Variants in BICDL1 observed in about 807,000 individuals in gnomAD.
BICDL1 encodes BICD family like cargo adaptor 1, also known as BICD family-like cargo adapter 1.
BICDL1 carries 20 observed loss-of-function variants against 76.8 expected under a neutral mutation model. That is an observed-to-expected ratio of 0.26 (90% confidence interval 0.18 to 0.38). The LOEUF is 0.38. Ranked by LOEUF, BICDL1 falls within the 10% of genes least tolerant of loss-of-function variation. The pLI, the probability that BICDL1 is intolerant of heterozygous loss-of-function variation, is 1.00. For missense variants in BICDL1, 700 were observed against 798.6 expected (o/e 0.88, Z 1.49); for synonymous variants, 383 against 337.1 (o/e 1.14, Z -1.49).
At position 120,092,621 on chromosome 12, in the gene BICDL1, C is replaced by T. The variant is rs114371210; in HGVS notation, c.1705-379C>T. 614 of 985,410 alleles carry T rather than the reference C, an allele frequency of 6.2e-4. No homozygotes were observed. The African/African-American group carries it at 0.01, about 16-fold the overall frequency. 61.0% of individuals were successfully genotyped at this position (985,410 alleles called of 1,614,324 possible). A position where few individuals can be genotyped will look rare whatever the true frequency, so the allele number is the denominator to read the frequency against. On this transcript the variant is annotated intron_variant, in intron 9 of 9. Coordinates refer to ENST00000548673, the MANE Select transcript of BICDL1 (RefSeq NM_001367886.1). ...CGGGGCTGGGGGTGGCAAGCCAAACCGGAGGCACCAGCCAGGCCCACAGGA... is the reference window on the plus strand; with the variant it reads ...CGGGGCTGGGGGTGGCAAGCCAAACTGGAGGCACCAGCCAGGCCCACAGGA...
In BICDL1 at chr12:120,034,022, G is replaced by A. The variant is rs78268618; in HGVS notation, c.646-27688G>A. Among the ~76,000 whole-genome samples, 1,292 of 152,206 alleles carry A rather than the reference G, an allele frequency of 8.5e-3. 17 individuals carry two copies. The highest frequency in any genetic ancestry group is 0.029 in the African/African-American group (1,208 of 41,514). ...TTGAAAGATAACTTATTTCAACACA[G>A]CCAGATACAGGCATACTTTCTCATC... On this transcript the variant is annotated intron_variant, in intron 2 of 9. Transcript: ENST00000548673.
At chr12:120,072,398 C>G in intron 5 of BICDL1, 113 bp from the exon 6 acceptor site, 1 of 943,448 alleles carries the variant, frequency 1.1e-6, no homozygotes, top group Non-Finnish European at 1.6e-6. Flanking sequence ...AAAACCCTTT[C>G]TTCTAGAACT....
chr12:120,037,640 AT>A (rs1202881942), intron 2 of BICDL1, among the ~76,000 whole-genome samples: 1 of 152,194 alleles, frequency 6.6e-6, no homozygotes, highest in Non-Finnish European at 1.5e-5. Flanking sequence ...TAGGAAATTG[AT>A]TTTTATTATG....
rs1478723367 is a variant in BICDL1, at chr12:120,079,298, C to T, written c.1453-1589C>T. ...CCAGGGGCTGGCAGCTCTGCCGTCT[C>T]GTTCTGGAGAATGTCTGAAATGTAT... On this transcript the variant is annotated intron_variant, in intron 7 of 9. Transcript: ENST00000548673. This position sits in a 1 kb window ranked among gnomAD's most constrained non-coding sequence, Gnocchi z 4.3. 1.1e-4 allele frequency among the ~76,000 whole-genome samples: 17 copies of T among 152,234 alleles called. No individual in the cohort carries two copies.
At chr12:120,033,758 AT>A (rs1170376553) in intron 2 of BICDL1, among the ~76,000 whole-genome samples, 1 of 151,876 alleles carries the variant, frequency 6.6e-6, no homozygotes, top group African/African-American at 2.4e-5. Flanking sequence ...CTATTCCCTG[AT>A]ATTTTGTATT....
At chr12:120,026,290 A>G (rs1247694315) in intron 2 of BICDL1, among the ~76,000 whole-genome samples, 1 of 152,228 alleles carries the variant, frequency 6.6e-6, no homozygotes, top group African/African-American at 2.4e-5. Context: ...ATTTTTAAAT[A>G]CTTTAGAAAA....
intron 2 of BICDL1, among the ~76,000 whole-genome samples, chr12:120,024,683 C>T (rs138834316): frequency 1.1e-5 from 1 of 94,580 alleles, no homozygotes; most frequent in African/African-American, 4.6e-5. Flanking sequence ...TTTAAATCCT[C>T]TTTCTTTCTT....
At chr12:120,068,351 C>T (rs966376777) in intron 4 of BICDL1, among the ~76,000 whole-genome samples, 1 of 152,224 alleles carries the variant, frequency 6.6e-6, no homozygotes, top group African/African-American at 2.4e-5. Flanking sequence ...TTCTAAGGAC[C>T]TGGAGTGGGG....
intron 8 of BICDL1, among the ~76,000 whole-genome samples, chr12:120,083,628 A>AGTAT (rs1281675697): frequency 3.5e-5 from 5 of 143,768 alleles, no homozygotes; most frequent in African/African-American, 8.0e-5. Flanking sequence ...TATTAATAGT[A>AGTAT]GTATTTATTT....
chr12:120,084,422 G>T (rs1045708504), intron 8 of BICDL1, among the ~76,000 whole-genome samples: 4 of 152,160 alleles, frequency 2.6e-5, no homozygotes, highest in African/African-American at 9.7e-5. Context: ...TGACTCATGA[G>T]CCTCCACCTC....
At chr12:120,029,673 A>G (rs1272593317) in intron 2 of BICDL1, among the ~76,000 whole-genome samples, 1 of 151,936 alleles carries the variant, frequency 6.6e-6, no homozygotes. Context: ...TATTATTATT[A>G]TTTTTGAGAC....
At chr12:120,018,237 A>G (rs1029925416) in intron 2 of BICDL1, among the ~76,000 whole-genome samples, 1 of 152,220 alleles carries the variant, frequency 6.6e-6, no homozygotes, top group Admixed American at 6.5e-5. Flanking sequence ...GGTGATTGTA[A>G]TGTGTAGGCA....
chr12:120,022,452 T>A (rs1358056022), intron 2 of BICDL1, among the ~76,000 whole-genome samples: 1 of 147,052 alleles, frequency 6.8e-6, no homozygotes. Context: ...TATATGTATT[T>A]TATATATTAT....
At chr12:120,043,721 T>G (rs537597016) in intron 2 of BICDL1, among the ~76,000 whole-genome samples, 1 of 152,364 alleles carries the variant, frequency 6.6e-6, no homozygotes, top group South Asian at 2.1e-4. Flanking sequence ...GGGCTTAAAG[T>G]TAATCCCACT....
At chr12:120,091,003 C>G (rs1304443622) in intron 9 of BICDL1, 2 of 1,288,964 alleles carry the variant, frequency 1.6e-6, no homozygotes, top group African/African-American at 1.5e-5. Flanking sequence ...TAGTTGTACA[C>G]CCCTCCTGCC....
In BICDL1 at chr12:120,094,247, C is replaced by T. The variant is rs1720696559; in HGVS notation, c.*1086C>T. On this transcript the variant is annotated 3_prime_UTR_variant, in exon 10 of 10. Coordinates refer to ENST00000548673, the MANE Select transcript of BICDL1 (RefSeq NM_001367886.1). ...GCGGCCCGGCCAGCCCTCAGCTGCT[C>T]ACAACCGATTCAGTCTCCCTCCCTC... 1 of 456,778 alleles carries T rather than the reference C, an allele frequency of 2.2e-6. No individual in the cohort carries two copies. The highest frequency in any genetic ancestry group is 4.4e-6 in the Non-Finnish European group (1 of 226,978). 28.3% of individuals were successfully genotyped at this position (456,778 alleles called of 1,614,324 possible).
intron 2 of BICDL1, among the ~76,000 whole-genome samples, chr12:120,029,101 C>T (rs1231965476): frequency 6.6e-6 from 1 of 152,142 alleles, no homozygotes; most frequent in East Asian, 1.9e-4. Flanking sequence ...AAAGCAGGCC[C>T]TGAGCTGAGG....
intron 2 of BICDL1, among the ~76,000 whole-genome samples, chr12:120,048,454 A>T (rs1356623384): frequency 6.6e-6 from 1 of 152,108 alleles, no homozygotes; most frequent in Non-Finnish European, 1.5e-5. Flanking sequence ...CATAAACATG[A>T]TGATTGGGCT....
At chr12:120,081,317 G>GC (rs1404077539) in intron 8 of BICDL1, among the ~76,000 whole-genome samples, 1 of 148,112 alleles carries the variant, frequency 6.8e-6, no homozygotes, top group African/African-American at 2.5e-5. Flanking sequence ...TACATGTCTT[G>GC]CCTTTTTGCA....
Sources: gnomAD v4.1 joint callset for allele counts (sites outside exome capture counted in the v4.1 genomes callset) on GRCh38, gnomAD v4.1.1 for gene constraint, Gnocchi (gnomAD v3.1) non-coding constraint, MANE v1.5 for transcripts, NCBI Gene and HGNC (gene_info 2026-07-23, HGNC 2026-07-21) for gene names.